Variants in SLC24A3 observed in about 807,000 individuals in gnomAD.
SLC24A3 encodes solute carrier family 24 member 3, also known as sodium/potassium/calcium exchanger 3.
A neutral mutation model predicts 75.8 loss-of-function variants in SLC24A3; 28 were observed. That is an observed-to-expected ratio of 0.37 (90% CI 0.27 to 0.51). The LOEUF is 0.51. Ranked by LOEUF, SLC24A3 falls within the 20% of genes least tolerant of loss-of-function variation. The pLI, the probability that SLC24A3 is intolerant of heterozygous loss-of-function variation, is 0.94. For synonymous variants in SLC24A3, 372 were observed against 334.1 expected (o/e 1.11, Z -1.24); for missense variants, 663 against 847.8 (o/e 0.78, Z 2.71).
chr20:19,221,000 C>T (rs920598518), intron 1 of SLC24A3, among the ~76,000 whole-genome samples: 1 of 152,170 alleles, frequency 6.6e-6, no homozygotes. Flanking sequence ...ATGTGTTTTT[C>T]TGCTTCATTT....
At chr20:19,587,041 T>G (rs1187188168) in intron 6 of SLC24A3, among the ~76,000 whole-genome samples, 1 of 152,214 alleles carries the variant, frequency 6.6e-6, no homozygotes, top group Non-Finnish European at 1.5e-5. Context: ...GACACCTGCT[T>G]GTGGCCTTCC....
intron 2 of SLC24A3, among the ~76,000 whole-genome samples, chr20:19,498,749 C>G (rs1173752695): frequency 2.6e-5 from 4 of 152,180 alleles, no homozygotes; most frequent in Non-Finnish European, 4.4e-5. Flanking sequence ...TCTTGTCCTC[C>G]CCCACCAAAA....
At chr20:19,348,603 A>C (rs1985489920) in intron 2 of SLC24A3, among the ~76,000 whole-genome samples, 1 of 152,078 alleles carries the variant, frequency 6.6e-6, no homozygotes, top group Non-Finnish European at 1.5e-5. Flanking sequence ...CTGATAGATC[A>C]ATAGAGTTGT....
Position 19,721,147 on chromosome 20 carries a change from G to C in SLC24A3, c.*7G>C. 1 of 1,613,828 alleles carries C rather than the reference G, an allele frequency of 6.2e-7. No homozygotes were observed. Among genetic ancestry groups the C allele is most frequent in the Non-Finnish European group, 8.5e-7 (1 of 1,179,942 alleles). On this transcript the variant is annotated 3_prime_UTR_variant, in exon 17 of 17. Transcript: ENST00000328041. Reference sequence around the variant, plus strand: ...CATGTGCGGGGACCACTGAGCCGCCGGGTGCCCACAGAGGCTCAGCTCCTT... The same window carrying C: ...CATGTGCGGGGACCACTGAGCCGCCCGGTGCCCACAGAGGCTCAGCTCCTT...
At chr20:19,357,903 G>A (rs1985718624) in intron 2 of SLC24A3, among the ~76,000 whole-genome samples, 1 of 152,222 alleles carries the variant, frequency 6.6e-6, no homozygotes, top group African/African-American at 2.4e-5. Flanking sequence ...TTTGCCAAAT[G>A]GCCATGCTAA....
At chr20:19,497,678 G>A (rs1395813296) in intron 2 of SLC24A3, among the ~76,000 whole-genome samples, 1 of 152,184 alleles carries the variant, frequency 6.6e-6, no homozygotes, top group Non-Finnish European at 1.5e-5. Context: ...TGCCTCAGAA[G>A]ATCAAGTGGA....
At chr20:19,572,385 G>A (rs978454512) in intron 3 of SLC24A3, among the ~76,000 whole-genome samples, 2 of 152,096 alleles carry the variant, frequency 1.3e-5, no homozygotes, top group African/African-American at 4.8e-5. Flanking sequence ...CCATAACCAA[G>A]CCAGCAATGC....
chr20:19,344,048 C>G (rs1402052395), intron 2 of SLC24A3, among the ~76,000 whole-genome samples: 1 of 152,134 alleles, frequency 6.6e-6, no homozygotes, highest in East Asian at 1.9e-4. Context: ...CCATGGTGGA[C>G]TTTTCTTCTG....
intron 15 of SLC24A3, among the ~76,000 whole-genome samples, chr20:19,703,126 C>A (rs2032893113): frequency 6.6e-6 from 1 of 152,212 alleles, no homozygotes; most frequent in Non-Finnish European, 1.5e-5. Context: ...ATTCTGCATT[C>A]TCCTTATTCT....
intron 15 of SLC24A3, among the ~76,000 whole-genome samples, chr20:19,703,479 T>C (rs2122153682): frequency 6.6e-6 from 1 of 152,368 alleles, no homozygotes; most frequent in South Asian, 2.1e-4. Flanking sequence ...TTTTTTCAAC[T>C]GCAGCAGCAA....
chr20:19,526,481 T>G (rs1053286844), intron 3 of SLC24A3, among the ~76,000 whole-genome samples: 3 of 152,232 alleles, frequency 2.0e-5, no homozygotes, highest in Non-Finnish European at 4.4e-5. Flanking sequence ...ATCTCTTCTA[T>G]GTTGGATCAG....
chr20:19,352,539 C>T (rs151093784), intron 2 of SLC24A3, among the ~76,000 whole-genome samples: 1 of 152,236 alleles, frequency 6.6e-6, no homozygotes, highest in Non-Finnish European at 1.5e-5. Context: ...ATTATTTTTC[C>T]TGATTTTCAA....
Position 19,520,733 on chromosome 20 carries a change from G to A in SLC24A3, c.348+5169G>A, listed in dbSNP as rs114483885. Among the ~76,000 whole-genome samples, 395 of 145,636 alleles carry A rather than the reference G, an allele frequency of 2.7e-3. 3 individuals are homozygous for A. The highest frequency in any genetic ancestry group is 9.4e-3 in the African/African-American group (373 of 39,538). On this transcript the variant is annotated intron_variant, in intron 3 of 16. Coordinates refer to ENST00000328041, the MANE Select transcript of SLC24A3 (RefSeq NM_020689.4). Reference sequence around the variant, plus strand: ...AGGTTGGTGGTCTCCCCTGTTCCCCGCGTCAACACCTGTCCGCACTTCTTT... The same window carrying A: ...AGGTTGGTGGTCTCCCCTGTTCCCCACGTCAACACCTGTCCGCACTTCTTT...
intron 2 of SLC24A3, among the ~76,000 whole-genome samples, chr20:19,428,088 A>G (rs1168247773): frequency 6.6e-6 from 1 of 152,164 alleles, no homozygotes; most frequent in African/African-American, 2.4e-5. Context: ...AGTCTTTTGA[A>G]AATATGTTCT....
At position 19,548,776 on chromosome 20, in the gene SLC24A3, A is replaced by T. The variant is rs377099865; in HGVS notation, c.349-31224A>T. Among the ~76,000 whole-genome samples the T allele has an allele frequency of 1.4e-3, 214 of 152,264 alleles. 7 individuals carry two copies. In the South Asian group the frequency reaches 0.042, roughly 30 times the overall value. ...GAGAGGCCTTGATTACACTTGCAAT[A>T]TCTGTTTTCAGCAGCACCCATATTT... On this transcript the variant is annotated intron_variant, in intron 3 of 16. Coordinates refer to ENST00000328041, the MANE Select transcript of SLC24A3 (RefSeq NM_020689.4).
chr20:19,445,948 T>C (rs1266389828), intron 2 of SLC24A3, among the ~76,000 whole-genome samples: 2 of 152,230 alleles, frequency 1.3e-5, no homozygotes. Flanking sequence ...GACTACATGC[T>C]GTGTACCAGG....
At chr20:19,311,296 C>T (rs528670047) in intron 2 of SLC24A3, among the ~76,000 whole-genome samples, 11 of 151,924 alleles carry the variant, frequency 7.2e-5, no homozygotes, top group African/African-American at 1.4e-4. Context: ...CAGCAGGGCC[C>T]GCGGATGGGT....
intron 1 of SLC24A3, among the ~76,000 whole-genome samples, chr20:19,248,723 G>T (rs1982565546): frequency 6.6e-6 from 1 of 152,058 alleles, no homozygotes; most frequent in African/African-American, 2.4e-5. Context: ...CACTATTCAT[G>T]ATAGCCAAGA....
chr20:19,681,297 A>C (rs1383235684), intron 9 of SLC24A3, among the ~76,000 whole-genome samples: 1 of 152,198 alleles, frequency 6.6e-6, no homozygotes, highest in African/African-American at 2.4e-5. Flanking sequence ...AGTCATAGAA[A>C]TTTGGAGAAT....
Sources: gnomAD v4.1 joint callset for allele counts (sites outside exome capture counted in the v4.1 genomes callset) on GRCh38, gnomAD v4.1.1 for gene constraint, MANE v1.5 for transcripts, NCBI Gene and HGNC (gene_info 2026-07-23, HGNC 2026-07-21) for gene names.